The following ATAD2B variants were observed in gnomAD, a reference collection of about 807,000 sequenced individuals.
ATAD2B encodes the protein ATPase family AAA domain-containing protein 2B.
In ATAD2B, 40 loss-of-function variants were observed where a neutral mutation model predicts 167.6. That is an observed-to-expected ratio of 0.24 (90% CI 0.19 to 0.31). ATAD2B has a LOEUF of 0.31. Among genes scored for constraint, ATAD2B ranks in the 10% least tolerant of loss-of-function variants. The pLI is 1.00. For missense variants in ATAD2B, 1,242 were observed against 1,757.2 expected (o/e 0.71, Z 5.24); for synonymous variants, 579 against 596.5 (o/e 0.97, Z 0.43).
chr2:23,762,965 CTATTA>C (rs968329727), intron 23 of ATAD2B, among the ~76,000 whole-genome samples: 6 of 152,168 alleles, frequency 3.9e-5, no homozygotes, highest in African/African-American at 1.4e-4. Context: ...GGTTCAATTA[CTATTA>C]TATAATAATT....
chr2:23,775,988 C>T (rs1259495722), intron 22 of ATAD2B, among the ~76,000 whole-genome samples: 6 of 152,246 alleles, frequency 3.9e-5, no homozygotes, highest in Admixed American at 2.6e-4. Flanking sequence ...TGATGGTACA[C>T]GCCTGTAATC....
downstream of ATAD2B, among the ~76,000 whole-genome samples, chr2:23,744,165 T>C (rs1674672458): frequency 1.3e-5 from 2 of 152,048 alleles, no homozygotes; most frequent in African/African-American, 4.8e-5. Context: ...TTTTAAATGG[T>C]GGGAAATCAA....
intron 13 of ATAD2B, among the ~76,000 whole-genome samples, chr2:23,852,340 C>T (rs1692700041): frequency 6.6e-6 from 1 of 151,844 alleles, no homozygotes; most frequent in Admixed American, 6.6e-5. Context: ...GCCCAGGCTG[C>T]TCTTGCACTC....
intron 8 of ATAD2B, chr2:23,872,260 G>T: frequency 2.2e-6 from 1 of 456,426 alleles, no homozygotes; most frequent in South Asian, 1.8e-5. Flanking sequence ...TCATAGCTAA[G>T]AGCAGGAAGC....
chr2:23,875,517 T>TG (rs1553438785), intron 8 of ATAD2B, among the ~76,000 whole-genome samples: 2 of 151,918 alleles, frequency 1.3e-5, no homozygotes, highest in African/African-American at 2.4e-5. Flanking sequence ...AAAAAAAAAG[T>TG]AAAACCTTCC....
the ATAD2B span, among the ~76,000 whole-genome samples, chr2:23,688,274 T>C: frequency 2.0e-5 from 3 of 152,184 alleles, no homozygotes; most frequent in African/African-American, 7.2e-5. Flanking sequence ...CGCCCAGGCG[T>C]TCATTCATGG....
chr2:23,733,560 C>G, the ATAD2B span, among the ~76,000 whole-genome samples: 2 of 152,158 alleles, frequency 1.3e-5, no homozygotes, highest in African/African-American at 4.8e-5. Flanking sequence ...CCTCTTCAAG[C>G]TTTAGATATA....
intron 1 of ATAD2B, among the ~76,000 whole-genome samples, chr2:23,926,125 G>C (rs972710712): frequency 3.9e-5 from 6 of 152,200 alleles, no homozygotes; most frequent in African/African-American, 1.2e-4. Context: ...GTAAGCTGGA[G>C]TTAGACAGCG....
the ATAD2B span, among the ~76,000 whole-genome samples, chr2:23,681,684 C>G: frequency 7.2e-5 from 11 of 152,106 alleles, no homozygotes; most frequent in Middle Eastern, 3.2e-3. This position sits in a 1 kb window ranked among gnomAD's most constrained non-coding sequence, Gnocchi z 4.2. Context: ...GGGTGCTGGC[C>G]CAGGGTCACA....
intron 6 of ATAD2B, chr2:23,883,659 C>T: frequency 8.1e-7 from 1 of 1,231,524 alleles, no homozygotes; most frequent in South Asian, 1.3e-5. Context: ...AATATTTGCT[C>T]AATAAAGTAC....
the ATAD2B span, among the ~76,000 whole-genome samples, chr2:23,738,502 G>C: frequency 2.0e-5 from 3 of 152,158 alleles, no homozygotes; most frequent in South Asian, 6.2e-4. Flanking sequence ...CAAATGCTGA[G>C]AGATTTTGTC....
chr2:23,880,845 T>C lies in ATAD2B; in HGVS notation c.785-90A>G, dbSNP rs555496266. ...TCTAGAACTGAATATTTACACTTTA[T>C]CCATTACTCTTTCTGCACAGGTGAC... On this transcript the variant is annotated intron_variant, in intron 6 of 27. Coordinates refer to ENST00000238789, the MANE Select transcript of ATAD2B (RefSeq NM_017552.4). 2.4e-5 allele frequency: 18 copies of C among 754,228 alleles called. No homozygotes were observed. In the Admixed American group the frequency reaches 4.2e-4, roughly 18 times the overall value. 46.7% of individuals were successfully genotyped at this position (754,228 alleles called of 1,614,324 possible). A position where few individuals can be genotyped will look rare whatever the true frequency, so the allele number is the denominator to read the frequency against.
chr2:23,691,997 T>A, the ATAD2B span: 2 of 910,100 alleles, frequency 2.2e-6, no homozygotes, highest in Non-Finnish European at 3.3e-6. Context: ...CCCTCACATG[T>A]GGCTGAGTTT....
At chr2:23,779,936 C>T (rs932719162) in intron 22 of ATAD2B, among the ~76,000 whole-genome samples, 1 of 152,046 alleles carries the variant, frequency 6.6e-6, no homozygotes, top group Admixed American at 6.6e-5. Flanking sequence ...GTTCTACTTT[C>T]GCATATTTTT....
chr2:23,737,260 T>A, the ATAD2B span, among the ~76,000 whole-genome samples: 1 of 152,098 alleles, frequency 6.6e-6, no homozygotes, highest in Admixed American at 6.5e-5. Flanking sequence ...CTCAAGTGGG[T>A]CCCTGACCCC....
intron 22 of ATAD2B, among the ~76,000 whole-genome samples, chr2:23,769,499 C>A (rs1572678299): frequency 6.6e-6 from 1 of 151,840 alleles, no homozygotes; most frequent in Non-Finnish European, 1.5e-5. Flanking sequence ...TTTGTATCCA[C>A]AGGTTTCAAA....
intron 18 of ATAD2B, chr2:23,806,120 T>C (rs534417818): frequency 1.3e-5 from 2 of 152,338 alleles, no homozygotes; most frequent in Admixed American, 1.3e-4. Flanking sequence ...TTCTAGTTTT[T>C]GTGCATTGCT....
intron 20 of ATAD2B, among the ~76,000 whole-genome samples, chr2:23,786,805 G>A (rs1042786570): frequency 5.3e-5 from 8 of 151,966 alleles, no homozygotes; most frequent in African/African-American, 1.7e-4. Context: ...TATAACTTAC[G>A]AGAAATAGTT....
chr2:23,691,157 G>A, the ATAD2B span: 4 of 158,722 alleles, frequency 2.5e-5, no homozygotes, highest in African/African-American at 9.6e-5. Context: ...AAGAGGTGGG[G>A]TTGGAGCGGG....
Sources: allele counts gnomAD v4.1 joint callset (sites outside exome capture counted in the v4.1 genomes callset), GRCh38; gene constraint gnomAD v4.1.1; non-coding constraint Gnocchi (gnomAD v3.1); transcripts MANE v1.5; gene names NCBI Gene and HGNC (gene_info 2026-07-23, HGNC 2026-07-21).